ARAP3: variants seen among roughly 807,000 people sequenced by gnomAD.
ARAP3 encodes arf-GAP with Rho-GAP domain, ANK repeat and PH domain-containing protein 3.
In ARAP3, 82 loss-of-function variants were observed where a neutral mutation model predicts 169.2. The observed-to-expected ratio is 0.48, with a 90% CI of 0.41 to 0.58. The LOEUF is 0.58. Among genes scored for constraint, ARAP3 ranks in the 20% least tolerant of loss-of-function variants. The pLI, the probability that ARAP3 is intolerant of heterozygous loss-of-function variation, is 0.00. For synonymous variants in ARAP3, 791 were observed against 800.3 expected (o/e 0.99, Z 0.20); for missense variants, 1,764 against 2,018.0 (o/e 0.87, Z 2.41).
In ARAP3 at chr5:141,673,853, C is replaced by T. The variant is rs113298251; in HGVS notation, c.699-45G>A. The T allele has an allele frequency of 5.5e-4, 877 of 1,586,248 alleles. 1 individual carries two copies. Among genetic ancestry groups the T allele is most frequent in the Admixed American group, 1.9e-3 (109 of 58,046 alleles). On this transcript the variant is annotated intron_variant, in intron 4 of 32. Transcript: ENST00000239440. ...GGAGGGACACACATTAGACAAGTACCCCGGACACCCTCTTTGTACTTTCTC... is the reference window on the plus strand; with the variant it reads ...GGAGGGACACACATTAGACAAGTACTCCGGACACCCTCTTTGTACTTTCTC...
At position 141,671,310 on chromosome 5, in the gene ARAP3, A is replaced by G. The variant is rs761731690; in HGVS notation, c.1945T>C (p.Phe649Leu). 5.6e-6 allele frequency: 9 copies of G among 1,613,380 alleles called. No homozygotes were observed. Among genetic ancestry groups the G allele is most frequent in the Admixed American group, 3.3e-5 (2 of 59,880 alleles). The change falls in exon 13 of 33, where the codon TTC becomes CTC. Residue 649 changes from phenylalanine to leucine, a missense_variant. Physicochemically the swap from Phe to Leu is conservative, Grantham distance 22 (BLOSUM62 0). Around this residue, in one of 3 missense-constraint regions of ARAP3, gnomAD observed 1,112 missense variants for 1,285.7 expected, o/e 0.86. Transcript: ENST00000239440. The surrounding 1 kb of genome is among the most constrained non-coding windows in gnomAD (Gnocchi z 4.9). ...CAGCTGCCATCAGGGGCTGGGGGGA[A>G]CCAGGGCTCCTCGCCTTCAAAGGCC... The part of the protein sequence containing the change: ...VEAFEGEEPW[F>L]PPAPDGSCPG...
At position 141,672,963 on chromosome 5, in the gene ARAP3, C is replaced by G. The variant is rs751325480; in HGVS notation, c.1094-38G>C. 6.2e-7 allele frequency: 1 copy of G among 1,612,534 alleles called. No individual in the cohort carries two copies. The highest frequency in any genetic ancestry group is 8.5e-7 in the Non-Finnish European group (1 of 1,179,086). On this transcript the variant is annotated intron_variant, in intron 7 of 32. Transcript: ENST00000239440. The surrounding 1 kb of genome is among the most constrained non-coding windows in gnomAD (Gnocchi z 4.9). ...GAGAAGCAGGTCAGTGGCTGTTGCT[C>G]ACACAGCCTCCCTCCCTCCTGCCCT... is the stretch of plus-strand genomic sequence containing the variant.
At position 141,672,952 on chromosome 5, in the gene ARAP3, T is replaced by C; in HGVS notation, c.1094-27A>G. 4.3e-6 allele frequency: 7 copies of C among 1,611,962 alleles called. No individual in the cohort carries two copies. Among genetic ancestry groups the C allele is most frequent in the African/African-American group, 1.3e-5 (1 of 75,012 alleles). ...TGGTGGGGATGGAGAAGCAGGTCAG[T>C]GGCTGTTGCTCACACAGCCTCCCTC... On this transcript the variant is annotated intron_variant, in intron 7 of 32. Coordinates refer to ENST00000239440, the MANE Select transcript of ARAP3 (RefSeq NM_022481.6). This position sits in a 1 kb window ranked among gnomAD's most constrained non-coding sequence, Gnocchi z 4.9.
At position 141,671,268 on chromosome 5, in the gene ARAP3, A is replaced by G. The variant is rs2099911401; in HGVS notation, c.1987T>C (p.Ser663Pro). 1 of 1,602,818 alleles carries G rather than the reference A, an allele frequency of 6.2e-7. No individual in the cohort carries two copies. The highest frequency in any genetic ancestry group is 2.2e-5 in the East Asian group (1 of 44,776). The change falls in exon 13 of 33, where the codon TCA becomes CCA. Residue 663 changes from serine to proline, a missense_variant. Physicochemically the swap from Ser to Pro is moderately conservative, Grantham distance 74. Coordinates refer to ENST00000239440, the MANE Select transcript of ARAP3 (RefSeq NM_022481.6). The surrounding 1 kb of genome is among the most constrained non-coding windows in gnomAD (Gnocchi z 4.9). Reference protein sequence around the residue: ...PDGSCPGLLPSDPSPGVYNEV... With the variant: ...PDGSCPGLLPPDPSPGVYNEV... ...AGGAGGCACTTGGGGGAATGACCTG[A>G]GGGCAAGAGGCCAGGGCAGCTGCCA...
Position 141,654,372 on chromosome 5 carries a change from C to T in ARAP3, c.4213G>A (p.Glu1405Lys), listed in dbSNP as rs1219970163. Reference sequence around the variant, plus strand: ...GCCCCTACTTCCTCATACACTGGCTCCTCGTACACAGGCTCCTCCAGCTCC... The same window carrying T: ...GCCCCTACTTCCTCATACACTGGCTTCTCGTACACAGGCTCCTCCAGCTCC... ...QEELEEPVYE[E>K]PVYEEVGAFP... Residue 1405 changes from glutamate (E) to lysine (K), a missense_variant, in exon 33 of 33, where the codon GAG (glutamate) becomes AAG (lysine). Glu to Lys is a moderately conservative substitution (Grantham distance 56). Around this residue, in one of 3 missense-constraint regions of ARAP3, gnomAD observed 1,112 missense variants for 1,285.7 expected, o/e 0.86. Transcript: ENST00000239440. The T allele has an allele frequency of 1.2e-6, 2 of 1,613,362 alleles. No homozygotes were observed. The highest frequency in any genetic ancestry group is 1.3e-5 in the African/African-American group (1 of 74,890).
intron 17 of ARAP3, among the ~76,000 whole-genome samples, chr5:141,666,124 T>C (rs1171737535): frequency 2.0e-5 from 3 of 151,962 alleles, no homozygotes; most frequent in Non-Finnish European, 4.4e-5. Flanking sequence ...CTGCGATACA[T>C]GTTTTAGATG....
At chr5:141,667,922 G>C (rs1396698969) in intron 16 of ARAP3, among the ~76,000 whole-genome samples, 1 of 151,568 alleles carries the variant, frequency 6.6e-6, no homozygotes, top group African/African-American at 2.4e-5. Flanking sequence ...TGCGCCTGTA[G>C]TCCCAGCTAC....
At position 141,672,470 on chromosome 5, in the gene ARAP3, C is replaced by T; in HGVS notation, c.1385+82G>A. 1 of 1,526,892 alleles carries T rather than the reference C, an allele frequency of 6.5e-7. No individual in the cohort carries two copies. The highest frequency in any genetic ancestry group is 1.2e-5 in the South Asian group (1 of 83,682). The allele number at this position is 1,526,892 out of a possible 1,614,324, so 94.6% of individuals were successfully genotyped here. Reference sequence around the variant, plus strand: ...TCTGTGCATACCCTCTGACGTCCTACTAAAGAGGCCTCTAGTCCTCTGCAC... The same window carrying T: ...TCTGTGCATACCCTCTGACGTCCTATTAAAGAGGCCTCTAGTCCTCTGCAC... On this transcript the variant is annotated intron_variant, in intron 9 of 32. Coordinates refer to ENST00000239440, the MANE Select transcript of ARAP3 (RefSeq NM_022481.6). This position sits in a 1 kb window ranked among gnomAD's most constrained non-coding sequence, Gnocchi z 4.9.
chr5:141,681,765 A>G (rs897436221), intron 1 of ARAP3, among the ~76,000 whole-genome samples: 1 of 152,044 alleles, frequency 6.6e-6, no homozygotes, highest in Non-Finnish European at 1.5e-5. Context: ...TCTGTCGGTG[A>G]CCAGGACGCC....
chr5:141,654,332 A>G lies in ARAP3; in HGVS notation c.4253T>C (p.Ile1418Thr). 1 of 1,614,028 alleles carries G rather than the reference A, an allele frequency of 6.2e-7. No homozygotes were observed. Among genetic ancestry groups the G allele is most frequent in the South Asian group, 1.1e-5 (1 of 91,084 alleles). Reference sequence around the variant, plus strand: ...GGAGAAGGAGGTAGAAGTGTCCTGGATCAACTCAGGGAAGGCCCCTACTTC... The same window carrying G: ...GGAGAAGGAGGTAGAAGTGTCCTGGGTCAACTCAGGGAAGGCCCCTACTTC... ...YEEVGAFPEL[I>T]QDTSTSFSTT... The change falls in exon 33 of 33, where the codon ATC becomes ACC. Residue 1418 changes from isoleucine to threonine, a missense_variant. Coordinates refer to ENST00000239440, the MANE Select transcript of ARAP3 (RefSeq NM_022481.6).
chr5:141,679,453 A>G (rs1377946463), intron 4 of ARAP3, 92 bp downstream of exon 4: 5 of 1,273,098 alleles, frequency 3.9e-6, no homozygotes, highest in Non-Finnish European at 5.6e-6. Context: ...TGGCTGGTGA[A>G]TACTCAATGC....
chr5:141,656,863 AG>A lies in ARAP3; in HGVS notation c.3527-18del, dbSNP rs1394870388. 6.2e-7 allele frequency: 1 copy of A among 1,610,486 alleles called. No individual in the cohort carries two copies. Among genetic ancestry groups the A allele is most frequent in the Admixed American group, 1.7e-5 (1 of 59,568 alleles). ...GTGGCCGCTCTTAAGGGGAAAGGTG[AG>A]GGTTTATATATCAATCAGAATATCC... On this transcript the variant is annotated intron_variant, in intron 25 of 32. Coordinates refer to ENST00000239440, the MANE Select transcript of ARAP3 (RefSeq NM_022481.6).
intron 1 of ARAP3, among the ~76,000 whole-genome samples, chr5:141,681,621 T>C (rs376199477): frequency 1.3e-5 from 2 of 152,198 alleles, no homozygotes; most frequent in Non-Finnish European, 2.9e-5. Flanking sequence ...TTTTGCTCTC[T>C]GTTATTAAGC....
At chr5:141,661,557 CTA>C (rs1596479229) in intron 21 of ARAP3, 125 bp downstream of exon 21, 2 of 974,198 alleles carry the variant, frequency 2.1e-6, no homozygotes, top group East Asian at 5.0e-5. Context: ...AACCTTAGTG[CTA>C]TGATACCTTC....
At chr5:141,677,625 C>T (rs958528466) in intron 4 of ARAP3, among the ~76,000 whole-genome samples, 1 of 152,214 alleles carries the variant, frequency 6.6e-6, no homozygotes, top group Non-Finnish European at 1.5e-5. Flanking sequence ...CCTTTGGCCC[C>T]CTACAGACCA....
intron 1 of ARAP3, among the ~76,000 whole-genome samples, chr5:141,681,845 G>T (rs1418875990): frequency 6.6e-6 from 1 of 152,072 alleles, no homozygotes; most frequent in African/African-American, 2.4e-5. Context: ...CCAAGCCAGG[G>T]CCCGCGTGCT....
At position 141,653,948 on chromosome 5, in the gene ARAP3, G is replaced by A. The variant is rs757480840; in HGVS notation, c.*2C>T. On this transcript the variant is annotated 3_prime_UTR_variant, in exon 33 of 33. Transcript: ENST00000239440. ...TACCCTCTCAGACTGCTGGTCCTAGGGTCATGTGAGGGGCTGGCTGGAGGG... is the reference window on the plus strand; with the variant it reads ...TACCCTCTCAGACTGCTGGTCCTAGAGTCATGTGAGGGGCTGGCTGGAGGG... 21 of 1,525,650 alleles carry A rather than the reference G, an allele frequency of 1.4e-5. No individual in the cohort carries two copies. The highest frequency in any genetic ancestry group is 1.8e-5 in the Non-Finnish European group (21 of 1,138,352). 94.5% of individuals were successfully genotyped at this position (1,525,650 alleles called of 1,614,324 possible).
At chr5:141,658,283 A>G (rs2099909498) in intron 25 of ARAP3, 82 bp downstream of exon 25, 1 of 1,384,298 alleles carries the variant, frequency 7.2e-7, no homozygotes, top group Non-Finnish European at 1.0e-6. Flanking sequence ...ATTTGGTAAC[A>G]TGAAGTCACT....
At chr5:141,674,707 G>A (rs958078398) in intron 4 of ARAP3, among the ~76,000 whole-genome samples, 3 of 152,196 alleles carry the variant, frequency 2.0e-5, no homozygotes, top group African/African-American at 7.2e-5. Context: ...AAAAGACGGG[G>A]AAGGGCTGTG....
Sources: allele counts gnomAD v4.1 joint callset (sites outside exome capture counted in the v4.1 genomes callset), GRCh38; gene constraint gnomAD v4.1.1; regional missense constraint gnomAD v4.1.1; non-coding constraint Gnocchi (gnomAD v3.1); transcripts MANE v1.5; gene names NCBI Gene and HGNC (gene_info 2026-07-23, HGNC 2026-07-21).